The following ACADSB variants were observed in gnomAD, a reference collection of about 807,000 sequenced individuals.
The protein encoded by ACADSB is acyl-CoA dehydrogenase short/branched chain.
In ACADSB, 40 loss-of-function variants were observed where a neutral mutation model predicts 54.1. The ratio of observed to expected loss-of-function variants is 0.74; its 90% confidence interval spans 0.57 to 0.96. ACADSB has a LOEUF of 0.96. Ranked by LOEUF, ACADSB falls within the 40% of genes least tolerant of loss-of-function variation. ACADSB has a pLI of 0.00. For missense variants in ACADSB, 530 were observed against 510.4 expected (o/e 1.04, Z -0.37); for synonymous variants, 182 against 182.8 (o/e 1.00, Z 0.03).
chr10:123,013,791 G>C (rs897352306), intron 1 of ACADSB, among the ~76,000 whole-genome samples: 1 of 152,204 alleles, frequency 6.6e-6, no homozygotes, highest in Admixed American at 6.5e-5. Flanking sequence ...CCTGCCGGCC[G>C]CTCCGAGTGC....
chr10:123,012,691 C>T (rs1006072075), intron 1 of ACADSB, among the ~76,000 whole-genome samples: 5 of 151,770 alleles, frequency 3.3e-5, no homozygotes, highest in African/African-American at 1.2e-4. Flanking sequence ...GGGCTTGTGG[C>T]CTCGCTGGCT....
intron 7 of ACADSB, among the ~76,000 whole-genome samples, chr10:123,045,260 G>T (rs2133486032): frequency 7.4e-6 from 1 of 135,986 alleles, no homozygotes; most frequent in Middle Eastern, 4.4e-3. Flanking sequence ...CTCACTGCAA[G>T]CTCCGCCTCC....
intron 2 of ACADSB, 59 bp from the exon 3 acceptor site, chr10:123,037,688 A>G: frequency 8.2e-7 from 1 of 1,212,672 alleles, no homozygotes; most frequent in East Asian, 2.4e-5. Context: ...TTTTGTCAGC[A>G]AACTATTAAT....
chr10:123,025,180 G>A (rs1850234771), intron 1 of ACADSB, among the ~76,000 whole-genome samples: 1 of 152,166 alleles, frequency 6.6e-6, no homozygotes, highest in South Asian at 2.1e-4. Context: ...TTTAGGCCAG[G>A]CACAGTCGCT....
chr10:123,014,492 G>C (rs922859768), intron 1 of ACADSB, among the ~76,000 whole-genome samples: 2 of 152,182 alleles, frequency 1.3e-5, no homozygotes, highest in Non-Finnish European at 2.9e-5. Flanking sequence ...GAGCCACTGT[G>C]CCTGGACAAC....
chr10:123,026,877 A>AT (rs1030482374), intron 1 of ACADSB, among the ~76,000 whole-genome samples: 2 of 152,116 alleles, frequency 1.3e-5, no homozygotes, highest in African/African-American at 4.8e-5. Flanking sequence ...TAAAAAAAAA[A>AT]GAAACAGGTT....
At chr10:123,017,410 C>T (rs1225981087) in intron 1 of ACADSB, among the ~76,000 whole-genome samples, 5 of 152,132 alleles carry the variant, frequency 3.3e-5, no homozygotes, top group East Asian at 1.9e-4. Context: ...CTCCTCTTCC[C>T]GGGTTCAAGT....
rs1375520384 is a variant in ACADSB at position 123,034,489 on chromosome 10, A to G, written c.176A>G (p.Asp59Gly). ...TTTGCTCCCCTGCAAACATTTACAGATGAGGAAATGATGATAAAGAGTTCA... is the reference window on the plus strand; with the variant it reads ...TTTGCTCCCCTGCAAACATTTACAGGTGAGGAAATGATGATAAAGAGTTCA... Reference protein sequence around the residue: ...IHFAPLQTFTDEEMMIKSSVK... With the variant: ...IHFAPLQTFTGEEMMIKSSVK... Residue 59 changes from aspartate (D) to glycine (G), a missense_variant, in exon 2 of 11, where the codon GAT (aspartate) becomes GGT (glycine). Coordinates refer to ENST00000358776, the MANE Select transcript of ACADSB (RefSeq NM_001609.4). 12 of 1,610,712 alleles carry G rather than the reference A, an allele frequency of 7.5e-6. No homozygotes were observed. The Middle Eastern group carries it at 4.9e-4, about 66-fold the overall frequency.
intron 1 of ACADSB, among the ~76,000 whole-genome samples, chr10:123,009,478 T>C (rs951977172): frequency 9.9e-5 from 15 of 152,004 alleles, no homozygotes; most frequent in African/African-American, 3.6e-4. Flanking sequence ...TCACACCCCC[T>C]CCCCCAAAAA....
At chr10:123,016,195 A>G (rs1850107094) in intron 1 of ACADSB, among the ~76,000 whole-genome samples, 1 of 152,246 alleles carries the variant, frequency 6.6e-6, no homozygotes, top group Non-Finnish European at 1.5e-5. Context: ...AAGCTATGGT[A>G]AAAGGAAAAC....
At chr10:123,014,128 C>T (rs1483903292) in intron 1 of ACADSB, among the ~76,000 whole-genome samples, 1 of 152,090 alleles carries the variant, frequency 6.6e-6, no homozygotes, top group Non-Finnish European at 1.5e-5. Flanking sequence ...CATTAAAGGA[C>T]AACTTTGGCC....
intron 1 of ACADSB, among the ~76,000 whole-genome samples, chr10:123,013,337 C>T (rs1850064885): frequency 6.6e-6 from 1 of 152,228 alleles, no homozygotes; most frequent in Non-Finnish European, 1.5e-5. Flanking sequence ...TGTTCACAAA[C>T]CTTGAGCTAG....
intron 9 of ACADSB, among the ~76,000 whole-genome samples, chr10:123,051,800 A>G (rs1231674507): frequency 6.6e-6 from 1 of 152,200 alleles, no homozygotes; most frequent in Non-Finnish European, 1.5e-5. Context: ...TCTCCAGCCC[A>G]TAAATTAAAT....
At chr10:123,021,403 G>A (rs1436489114) in intron 1 of ACADSB, among the ~76,000 whole-genome samples, 1 of 152,260 alleles carries the variant, frequency 6.6e-6, no homozygotes, top group Non-Finnish European at 1.5e-5. Context: ...TAGTCAATAT[G>A]TTCACACAGA....
chr10:123,049,928 T>C (rs1850606621), intron 8 of ACADSB, among the ~76,000 whole-genome samples: 1 of 152,224 alleles, frequency 6.6e-6, no homozygotes, highest in Non-Finnish European at 1.5e-5. Context: ...GTTTTTTTCC[T>C]TGAAATATAC....
chr10:123,045,285 T>C (rs868047540), intron 7 of ACADSB, among the ~76,000 whole-genome samples: 4 of 146,258 alleles, frequency 2.7e-5, no homozygotes, highest in African/African-American at 1.0e-4. Context: ...TTCATGCCAT[T>C]CTCCTGCCTC....
At chr10:123,034,232 T>C in intron 1 of ACADSB, 124 bp from the exon 2 acceptor site, 1 of 1,001,804 alleles carries the variant, frequency 1.0e-6, no homozygotes, top group South Asian at 1.4e-5. Context: ...AGACTGAATT[T>C]AAAAATGCGC....
intron 1 of ACADSB, among the ~76,000 whole-genome samples, chr10:123,028,654 C>A (rs1347990043): frequency 6.6e-6 from 1 of 152,104 alleles, no homozygotes; most frequent in Admixed American, 6.5e-5. Flanking sequence ...CAAAGCAAGA[C>A]CCTATCTCAA....
Position 123,054,870 on chromosome 10 carries a change from T to C in ACADSB, c.*1105T>C, listed in dbSNP as rs1850684224. 1 of 152,220 alleles carries C rather than the reference T, an allele frequency of 6.6e-6. No homozygotes were observed. The highest frequency in any genetic ancestry group is 2.4e-5 in the African/African-American group (1 of 41,454). 9.4% of individuals were successfully genotyped at this position (152,220 alleles called of 1,614,324 possible). A position where few individuals can be genotyped will look rare whatever the true frequency, so the allele number is the denominator to read the frequency against. On this transcript the variant is annotated 3_prime_UTR_variant, in exon 11 of 11. Coordinates refer to ENST00000358776, the MANE Select transcript of ACADSB (RefSeq NM_001609.4). ...TTTCTGTATTTTAATTGAATACTGT[T>C]TCTTCAGTCATGGTTATTGCACTTT...
Sources: gnomAD v4.1 joint callset for allele counts (sites outside exome capture counted in the v4.1 genomes callset) on GRCh38, gnomAD v4.1.1 for gene constraint, MANE v1.5 for transcripts, NCBI Gene and HGNC (gene_info 2026-07-23, HGNC 2026-07-21) for gene names.